Variants in LYPD5 observed in about 807,000 individuals in gnomAD.
The protein encoded by LYPD5 is ly6/PLAUR domain-containing protein 5.
Under a neutral mutation model 19.1 loss-of-function variants are expected in LYPD5, and 21 were observed. The ratio of observed to expected loss-of-function variants is 1.10; its 90% confidence interval spans 0.78 to 1.58. The LOEUF is 1.58. Ranked by LOEUF, LYPD5 falls within the 40% of genes most tolerant of loss-of-function variation. The probability of loss-of-function intolerance (pLI) is 0.00; values close to 1 mark genes in which losing one functional copy is unlikely to be tolerated. For missense variants in LYPD5, 287 were observed against 329.8 expected (o/e 0.87, Z 1.00); for synonymous variants, 128 against 142.7 (o/e 0.90, Z 0.74).
At chr19:43,799,176 C>T in intron 2 of LYPD5, 188 bp from the exon 3 acceptor site, 1 of 633,182 alleles carries the variant, frequency 1.6e-6, no homozygotes, top group South Asian at 2.1e-5. Flanking sequence ...CCTCCCTGTG[C>T]GCCTCTCCCA....
At chr19:43,799,098 C>CTCCTCCT in intron 2 of LYPD5, 110 bp from the exon 3 acceptor site, 1 of 1,014,502 alleles carries the variant, frequency 9.9e-7, no homozygotes, top group Non-Finnish European at 1.4e-6. Flanking sequence ...ACCTCCTCCC[C>CTCCTCCT]TCCCTCCTTC....
intron 1 of LYPD5, among the ~76,000 whole-genome samples, chr19:43,817,627 T>A (rs1026174765): frequency 6.6e-6 from 1 of 152,184 alleles, no homozygotes; most frequent in Non-Finnish European, 1.5e-5. Context: ...CCTCTAAATT[T>A]TGATGATGAT....
chr19:43,813,209 G>A (rs758921024), intron 1 of LYPD5, among the ~76,000 whole-genome samples: 5 of 152,238 alleles, frequency 3.3e-5, no homozygotes, highest in South Asian at 2.1e-4. Flanking sequence ...CAGTAGCGGC[G>A]GTAACTTGAT....
intron 1 of LYPD5, among the ~76,000 whole-genome samples, chr19:43,808,142 C>T (rs1260807041): frequency 6.6e-6 from 1 of 152,202 alleles, no homozygotes; most frequent in East Asian, 1.9e-4. Flanking sequence ...GACAGAGTCT[C>T]ACTCTGTTGC....
chr19:43,807,276 C>CTTTTTTT (rs1251451176), upstream of LYPD5, among the ~76,000 whole-genome samples: 1 of 144,094 alleles, frequency 6.9e-6, no homozygotes. Flanking sequence ...CTTTTCTTTT[C>CTTTTTTT]TTTTCTTTTT....
At chr19:43,814,219 G>A (rs1168709778) in intron 1 of LYPD5, among the ~76,000 whole-genome samples, 1 of 152,172 alleles carries the variant, frequency 6.6e-6, no homozygotes, top group East Asian at 1.9e-4. Flanking sequence ...GGGGCCAGGT[G>A]TGGTGGCTCA....
At position 43,796,282 on chromosome 19, in the gene LYPD5, G is replaced by A. The variant is rs1004225646; in HGVS notation, c.*1309C>T. On this transcript the variant is annotated 3_prime_UTR_variant, in exon 5 of 5. Transcript: ENST00000377950. The stretch of plus-strand genomic sequence containing the variant: ...TTTTTGCTTCTCTCACTGAGTTGCT[G>A]GAAAGATCAAGTGGCAAAAAGCATG... 5 of 152,170 alleles carry A rather than the reference G, an allele frequency of 3.3e-5. No homozygotes were observed. Among genetic ancestry groups the A allele is most frequent in the African/African-American group, 1.2e-4 (5 of 41,398 alleles). The allele number at this position is 152,170 out of a possible 1,614,324, so 9.4% of individuals were successfully genotyped here. A position where few individuals can be genotyped will look rare whatever the true frequency, so the allele number is the denominator to read the frequency against.
At chr19:43,820,501 G>C (rs1287412667) in intron 1 of LYPD5, 1 of 136,114 alleles carries the variant, frequency 7.3e-6, no homozygotes, top group Admixed American at 9.1e-5. Context: ...CGCCTTCTTC[G>C]GCTGCTCGCA....
Position 43,797,259 on chromosome 19 carries a change from C to T in LYPD5, c.*332G>A, listed in dbSNP as rs1214336376. 11 of 293,932 alleles carry T rather than the reference C, an allele frequency of 3.7e-5. No individual in the cohort carries two copies. The highest frequency in any genetic ancestry group is 2.0e-4 in the East Asian group (3 of 15,064). 18.2% of individuals were successfully genotyped at this position (293,932 alleles called of 1,614,324 possible). A position where few individuals can be genotyped will look rare whatever the true frequency, so the allele number is the denominator to read the frequency against. On this transcript the variant is annotated 3_prime_UTR_variant, in exon 5 of 5. Coordinates refer to ENST00000377950, the MANE Select transcript of LYPD5 (RefSeq NM_001031749.3). ...ATTGTATAGCTCCCTCCTAGAGCTG[C>T]GACAGGCTCTGGAGGGAGAGCACAG...
At position 43,802,321 on chromosome 19, in the gene LYPD5, C is replaced by T; in HGVS notation, c.60G>A (p.Leu20=). The change falls in exon 1 of 5, where the codon CTG becomes CTA. Residue 20 remains leucine, a synonymous_variant. Coordinates refer to ENST00000377950, the MANE Select transcript of LYPD5 (RefSeq NM_001031749.3). ...LLCLFGAALC[L]TGSQALQCYS... ...TGGATTCAGAAGTTTGCGTACCTGT[C>T]AGGCAGAGCGCAGCCCCAAAGAGGC... is the stretch of plus-strand genomic sequence containing the variant. The T allele has an allele frequency of 6.4e-7, 1 of 1,551,626 alleles. No individual in the cohort carries two copies. Among genetic ancestry groups the T allele is most frequent in the Non-Finnish European group, 8.7e-7 (1 of 1,146,958 alleles).
chr19:43,799,049 C>G, intron 2 of LYPD5, 61 bp from the exon 3 acceptor site: 1 of 1,489,992 alleles, frequency 6.7e-7, no homozygotes, highest in Non-Finnish European at 9.0e-7. Context: ...CCAGTCTCAG[C>G]GTTCTTCCTC....
At position 43,799,831 on chromosome 19, in the gene LYPD5, G is replaced by T; in HGVS notation, c.68C>A (p.Ser23Tyr). 1 of 1,610,712 alleles carries T rather than the reference G, an allele frequency of 6.2e-7. No homozygotes were observed. The highest frequency in any genetic ancestry group is 1.7e-5 in the Admixed American group (1 of 59,552). ...LFGAALCLTG[S>Y]QALQCYSFEH... ...AAAGCTGTAGCACTGCAGGGCTTGG[G>T]ACCCTGGGGAGAGAGGCGTGGCAGA... The change falls in exon 2 of 5, where the codon TCC becomes TAC. Residue 23 changes from serine to tyrosine, a missense_variant. Coordinates refer to ENST00000377950, the MANE Select transcript of LYPD5 (RefSeq NM_001031749.3).
At chr19:43,810,817 A>C (rs916335559) in intron 1 of LYPD5, among the ~76,000 whole-genome samples, 8 of 151,788 alleles carry the variant, frequency 5.3e-5, no homozygotes, top group African/African-American at 1.9e-4. Context: ...TTTAGTAGAG[A>C]TGCGGTTTCA....
upstream of LYPD5, chr19:43,802,462 C>A: frequency 7.6e-7 from 1 of 1,307,898 alleles, no homozygotes; most frequent in Non-Finnish European, 1.1e-6. Flanking sequence ...CCTAAGCATC[C>A]CGGCCACCCA....
chr19:43,804,679 C>T (rs934590745), upstream of LYPD5, among the ~76,000 whole-genome samples: 15 of 152,172 alleles, frequency 9.9e-5, no homozygotes, highest in African/African-American at 3.4e-4. Context: ...CTTCCCAGAA[C>T]CTGTTTTGCA....
intron 1 of LYPD5, among the ~76,000 whole-genome samples, chr19:43,813,683 GTGTATTTA>G (rs1449015041): frequency 1.3e-5 from 2 of 152,110 alleles, no homozygotes; most frequent in Non-Finnish European, 2.9e-5. Flanking sequence ...GTATTTATTT[GTGTATTTA>G]TGTATTTATT....
At position 43,799,848 on chromosome 19, in the gene LYPD5, C is replaced by T. The variant is rs769935788; in HGVS notation, c.65-14G>A. 31 of 1,602,652 alleles carry T rather than the reference C, an allele frequency of 1.9e-5. No individual in the cohort carries two copies. The highest frequency in any genetic ancestry group is 8.6e-5 in the Admixed American group (5 of 58,036). Reference sequence around the variant, plus strand: ...GGGCTTGGGACCCTGGGGAGAGAGGCGTGGCAGAGTCAGCAGGGCCAGTGT... The same window carrying T: ...GGGCTTGGGACCCTGGGGAGAGAGGTGTGGCAGAGTCAGCAGGGCCAGTGT... On this transcript the variant is annotated splice_polypyrimidine_tract_variant and intron_variant, in intron 1 of 4. Transcript: ENST00000377950.
intron 1 of LYPD5, among the ~76,000 whole-genome samples, chr19:43,810,704 T>G (rs558266048): frequency 1.5e-4 from 23 of 151,538 alleles, no homozygotes; most frequent in Non-Finnish European, 2.8e-4. Flanking sequence ...CTTGGCTCAC[T>G]GCAACCTCTG....
At chr19:43,799,946 G>T in intron 1 of LYPD5, 112 bp from the exon 2 acceptor site, 2 of 1,303,508 alleles carry the variant, frequency 1.5e-6, no homozygotes, top group Non-Finnish European at 2.1e-6. Flanking sequence ...CTGCTCCCAG[G>T]GAAGACACGC....
Sources: gnomAD v4.1 joint callset for allele counts (sites outside exome capture counted in the v4.1 genomes callset) on GRCh38, gnomAD v4.1.1 for gene constraint, MANE v1.5 for transcripts, NCBI Gene and HGNC (gene_info 2026-07-23, HGNC 2026-07-21) for gene names.